The following ANTXR1 variants were observed in gnomAD, a reference collection of about 807,000 sequenced individuals.
ANTXR1 encodes ANTXR cell adhesion molecule 1.
A neutral mutation model predicts 78.1 loss-of-function variants in ANTXR1; 19 were observed. The ratio of observed to expected loss-of-function variants is 0.24; its 90% CI spans 0.17 to 0.36. The LOEUF (loss-of-function observed/expected upper bound fraction) is 0.36. ANTXR1 is among the 10% of genes least tolerant of loss of function. The pLI is 1.00. For synonymous variants in ANTXR1, 273 were observed against 260.5 expected (o/e 1.05, Z -0.46); for missense variants, 518 against 718.6 (o/e 0.72, Z 3.19).
At chr2:69,026,939 G>A (rs532144653) in intron 1 of ANTXR1, among the ~76,000 whole-genome samples, 3 of 152,310 alleles carry the variant, frequency 2.0e-5, no homozygotes, top group East Asian at 1.9e-4. Context: ...CAACACATGC[G>A]TTAGAAATTC....
In ANTXR1 at chr2:69,093,789, T is replaced by C. The variant is rs116405289; in HGVS notation, c.703+2870T>C. Among the ~76,000 whole-genome samples the C allele has an allele frequency of 6.2e-3, 939 of 152,332 alleles. 7 individuals are homozygous for C. The highest frequency in any genetic ancestry group is 0.021 in the African/African-American group (886 of 41,572). ...AGATTTTCTTAAAATCTCTGGCTTA[T>C]GTGCAATATTACATATTTTATAAGC... is the stretch of plus-strand genomic sequence containing the variant. On this transcript the variant is annotated intron_variant, in intron 9 of 17. Coordinates refer to ENST00000303714, the MANE Select transcript of ANTXR1 (RefSeq NM_032208.3).
At chr2:69,053,868 A>G (rs998079988) in intron 3 of ANTXR1, among the ~76,000 whole-genome samples, 2 of 152,194 alleles carry the variant, frequency 1.3e-5, no homozygotes, top group African/African-American at 4.8e-5. Flanking sequence ...ACAAAATTAA[A>G]AAGTTTTAAC....
chr2:69,150,133 A>C (rs977136879), intron 12 of ANTXR1, among the ~76,000 whole-genome samples: 1 of 152,198 alleles, frequency 6.6e-6, no homozygotes, highest in Non-Finnish European at 1.5e-5. Context: ...AGGGAGTTTC[A>C]GCAAGTAAGA....
chr2:69,178,395 G>C (rs1014451801), intron 14 of ANTXR1, among the ~76,000 whole-genome samples: 1 of 152,266 alleles, frequency 6.6e-6, no homozygotes, highest in East Asian at 1.9e-4. Flanking sequence ...GGGATTAAGC[G>C]ACGGGCTCGG....
At chr2:69,015,006 A>T (rs1379493607) in intron 1 of ANTXR1, among the ~76,000 whole-genome samples, 1 of 152,064 alleles carries the variant, frequency 6.6e-6, no homozygotes, top group East Asian at 1.9e-4. Context: ...GCATGAAAAC[A>T]GTCGGAGGTG....
intron 12 of ANTXR1, among the ~76,000 whole-genome samples, chr2:69,144,302 G>T (rs528405790): frequency 1.3e-5 from 2 of 152,352 alleles, no homozygotes; most frequent in South Asian, 4.1e-4. Context: ...CCTTGGAGCA[G>T]AGTGAAGTGG....
rs571871414 is a variant in ANTXR1 at position 69,057,820 on chromosome 2, G to A, written c.297-12827G>A. Among the ~76,000 whole-genome samples the A allele has an allele frequency of 1.8e-3, 278 of 152,310 alleles. 2 individuals are homozygous for A. Among genetic ancestry groups the A allele is most frequent in the South Asian group, 0.017 (80 of 4,828 alleles). The stretch of plus-strand genomic sequence containing the variant: ...AGCCAAGACAGGCCAAGAGCAAGGC[G>A]TCTTGTGCCTGTTAGCTAAGTTGTG... On this transcript the variant is annotated intron_variant, in intron 3 of 17. Coordinates refer to ENST00000303714, the MANE Select transcript of ANTXR1 (RefSeq NM_032208.3).
intron 15 of ANTXR1, 74 bp from the exon 16 acceptor site, chr2:69,182,419 A>G: frequency 6.5e-7 from 1 of 1,549,744 alleles, no homozygotes; most frequent in Non-Finnish European, 8.8e-7. Context: ...CAACTCATGC[A>G]TGTATTTGTC....
At chr2:69,204,341 C>T (rs962414556) in intron 17 of ANTXR1, among the ~76,000 whole-genome samples, 10 of 152,126 alleles carry the variant, frequency 6.6e-5, no homozygotes, top group African/African-American at 2.4e-4. Flanking sequence ...CACCCATCTT[C>T]GTTCAGCATC....
At chr2:69,074,687 A>G (rs941710517) in intron 6 of ANTXR1, among the ~76,000 whole-genome samples, 2 of 152,244 alleles carry the variant, frequency 1.3e-5, no homozygotes, top group African/African-American at 4.8e-5. Flanking sequence ...AAGGAAAAAA[A>G]GACATAAGTT....
At chr2:69,242,220 A>G (rs535728000) in intron 17 of ANTXR1, among the ~76,000 whole-genome samples, 85 of 152,256 alleles carry the variant, frequency 5.6e-4, no homozygotes, top group Non-Finnish European at 1.0e-3. Context: ...GCTCTGGCCA[A>G]GACACCACGG....
At chr2:69,047,931 T>C (rs1167424837) in intron 3 of ANTXR1, among the ~76,000 whole-genome samples, 2 of 152,204 alleles carry the variant, frequency 1.3e-5, no homozygotes, top group Non-Finnish European at 2.9e-5. Context: ...GTCCAACTCC[T>C]GTACTTTGTA....
chr2:69,146,614 A>G (rs1249093818), intron 12 of ANTXR1, among the ~76,000 whole-genome samples: 1 of 152,228 alleles, frequency 6.6e-6, no homozygotes, highest in Non-Finnish European at 1.5e-5. Flanking sequence ...CATCTGCGTC[A>G]TAAAGTCAGG....
intron 10 of ANTXR1, among the ~76,000 whole-genome samples, chr2:69,120,178 T>C (rs2104368353): frequency 6.6e-6 from 1 of 152,340 alleles, no homozygotes; most frequent in Middle Eastern, 3.4e-3. Flanking sequence ...TATTTTATAA[T>C]AAAATGTCGA....
intron 17 of ANTXR1, among the ~76,000 whole-genome samples, chr2:69,226,361 C>G (rs1447815479): frequency 6.6e-6 from 1 of 152,122 alleles, no homozygotes; most frequent in African/African-American, 2.4e-5. Flanking sequence ...AGTCCTCATC[C>G]CCTGTGGAAT....
intron 17 of ANTXR1, among the ~76,000 whole-genome samples, chr2:69,225,095 C>T (rs555158443): frequency 6.6e-6 from 1 of 152,166 alleles, no homozygotes; most frequent in Non-Finnish European, 1.5e-5. Context: ...TGCCTCCCCC[C>T]ATTCCCTCAA....
At chr2:69,197,967 A>G (rs1035350236) in intron 17 of ANTXR1, among the ~76,000 whole-genome samples, 10 of 152,206 alleles carry the variant, frequency 6.6e-5, no homozygotes, top group African/African-American at 2.4e-4. Flanking sequence ...ATGTCACTAC[A>G]TATCCTTGAA....
intron 13 of ANTXR1, among the ~76,000 whole-genome samples, chr2:69,165,927 A>G (rs1673814660): frequency 1.3e-5 from 2 of 152,212 alleles, no homozygotes; most frequent in African/African-American, 4.8e-5. Context: ...CAATTTATAA[A>G]GCCATTTATA....
chr2:69,181,915 T>G lies in ANTXR1; in HGVS notation c.1185+34T>G, dbSNP rs755840965. 3 of 1,604,304 alleles carry G rather than the reference T, an allele frequency of 1.9e-6. No individual in the cohort carries two copies. In the East Asian group the frequency reaches 6.7e-5, roughly 36 times the overall value. On this transcript the variant is annotated intron_variant, in intron 15 of 17. Transcript: ENST00000303714. Reference sequence around the variant, plus strand: ...ACAGCTTCATATACACTTATCTATGTGCTGACTACTCCCATCGAGGTACCA... The same window carrying G: ...ACAGCTTCATATACACTTATCTATGGGCTGACTACTCCCATCGAGGTACCA...
Sources: allele counts gnomAD v4.1 joint callset (sites outside exome capture counted in the v4.1 genomes callset), GRCh38; gene constraint gnomAD v4.1.1; transcripts MANE v1.5; gene names NCBI Gene and HGNC (gene_info 2026-07-23, HGNC 2026-07-21).